EGLN3: variants seen among roughly 807,000 people sequenced by gnomAD.
EGLN3 encodes prolyl hydroxylase EGLN3.
In EGLN3, 15 loss-of-function variants were observed where a neutral mutation model predicts 26.0. The ratio of observed to expected loss-of-function variants is 0.58; its 90% CI spans 0.39 to 0.89. EGLN3 has a LOEUF of 0.89. Ranked by LOEUF, EGLN3 falls within the 40% of genes least tolerant of loss-of-function variation. The probability of loss-of-function intolerance (pLI) is 0.00; values close to 1 mark genes in which losing one functional copy is unlikely to be tolerated. For missense variants in EGLN3, 238 were observed against 311.6 expected (o/e 0.76, Z 1.78); for synonymous variants, 147 against 127.2 (o/e 1.16, Z -1.05).
At chr14:33,938,905 G>T (rs954521115) in intron 1 of EGLN3, among the ~76,000 whole-genome samples, 13 of 152,270 alleles carry the variant, frequency 8.5e-5, no homozygotes, top group African/African-American at 2.9e-4. Flanking sequence ...GTTATCACAG[G>T]TATTTCTATA....
chr14:33,927,845 A>G (rs1375722200), intron 3 of EGLN3, among the ~76,000 whole-genome samples: 3 of 152,298 alleles, frequency 2.0e-5, no homozygotes, highest in Admixed American at 1.3e-4. Flanking sequence ...TTGAGGCAAA[A>G]TTGCAATTGA....
rs1678260210 is a variant in EGLN3 at position 33,929,143 on chromosome 14, C to A, written c.547G>T (p.Asp183Tyr). Residue 183 changes from aspartate to tyrosine, a missense_variant, in exon 3 of 5, where the codon GAC becomes TAC. By Grantham distance (160) the Asp-to-Tyr change is radical (BLOSUM62 -3). Coordinates refer to ENST00000250457, the MANE Select transcript of EGLN3 (RefSeq NM_022073.4). ...TCTGACCAGAAGAACAGGAGTCTGT[C>A]AAAAATGGGCTCCACATCTGCTATG... ...SFIADVEPIF[D>Y]RLLFFWSDRR... The A allele has an allele frequency of 6.2e-7, 1 of 1,614,028 alleles. No homozygotes were observed. Among genetic ancestry groups the A allele is most frequent in the African/African-American group, 1.3e-5 (1 of 74,918 alleles).
At chr14:33,934,754 A>G (rs887138757) in intron 1 of EGLN3, among the ~76,000 whole-genome samples, 1 of 152,236 alleles carries the variant, frequency 6.6e-6, no homozygotes, top group Non-Finnish European at 1.5e-5. Flanking sequence ...TGTATTTTAC[A>G]TTGCTCATGA....
intron 3 of EGLN3, among the ~76,000 whole-genome samples, chr14:33,927,990 ACTTC>A (rs1566596442): frequency 1.3e-5 from 2 of 151,726 alleles, no homozygotes; most frequent in Non-Finnish European, 2.9e-5. Flanking sequence ...ATTGTTAGCT[ACTTC>A]CGTAGCTAAC....
At chr14:33,940,726 AG>A (rs1234566664) in intron 1 of EGLN3, among the ~76,000 whole-genome samples, 1 of 152,062 alleles carries the variant, frequency 6.6e-6, no homozygotes, top group Non-Finnish European at 1.5e-5. Flanking sequence ...TAAATGATAA[AG>A]GTAAAGAGGA....
In EGLN3 at chr14:33,925,860, A is replaced by G; in HGVS notation, c.*31T>C. 1 of 1,613,576 alleles carries G rather than the reference A, an allele frequency of 6.2e-7. No individual in the cohort carries two copies. The highest frequency in any genetic ancestry group is 8.5e-7 in the Non-Finnish European group (1 of 1,179,582). ...AGAGAATTCAGGAACCGTTACTAAA[A>G]TGAACAAGGCCAGCAGATTTCAGAG... On this transcript the variant is annotated 3_prime_UTR_variant, in exon 5 of 5. Transcript: ENST00000250457.
rs2064347754 is a variant in EGLN3 at position 33,924,614 on chromosome 14, A to T, written c.*1277T>A. On this transcript the variant is annotated 3_prime_UTR_variant, in exon 5 of 5. Transcript: ENST00000250457. Reference sequence around the variant, plus strand: ...ATGTTCATGGGATTTTCAAGCAAGAAATTAAAGGGATTTTTAAAACATGAA... The same window carrying T: ...ATGTTCATGGGATTTTCAAGCAAGATATTAAAGGGATTTTTAAAACATGAA... 6.6e-6 allele frequency: 1 copy of T among 152,134 alleles called. No individual in the cohort carries two copies. The highest frequency in any genetic ancestry group is 1.5e-5 in the Non-Finnish European group (1 of 68,028). The allele number at this position is 152,134 out of a possible 1,614,324, so 9.4% of individuals were successfully genotyped here.
At chr14:33,931,329 G>T in intron 1 of EGLN3, 114 bp from the exon 2 acceptor site, 1 of 1,483,872 alleles carries the variant, frequency 6.7e-7, no homozygotes, top group East Asian at 2.3e-5. Flanking sequence ...GACATTTACA[G>T]GTAGTTGCTG....
At chr14:33,947,728 G>T (rs2064527806) in intron 1 of EGLN3, among the ~76,000 whole-genome samples, 1 of 152,154 alleles carries the variant, frequency 6.6e-6, no homozygotes, top group South Asian at 2.1e-4. Context: ...GTTTATGTAT[G>T]TTTGAAAATT....
Position 33,929,152 on chromosome 14 carries a change from G to A in EGLN3, c.538C>T (p.Pro180Ser). The A allele has an allele frequency of 6.2e-7, 1 of 1,614,158 alleles. No individual in the cohort carries two copies. Among genetic ancestry groups the A allele is most frequent in the African/African-American group, 1.3e-5 (1 of 75,024 alleles). Residue 180 changes from proline (P) to serine (S), a missense_variant, in exon 3 of 5, where the codon CCC becomes TCC. Coordinates refer to ENST00000250457, the MANE Select transcript of EGLN3 (RefSeq NM_022073.4). ...AAGAACAGGAGTCTGTCAAAAATGGGCTCCACATCTGCTATGAATGATTTC... is the reference window on the plus strand; with the variant it reads ...AAGAACAGGAGTCTGTCAAAAATGGACTCCACATCTGCTATGAATGATTTC... ...EGKSFIADVEPIFDRLLFFWS... is the reference protein window; with the variant it reads ...EGKSFIADVESIFDRLLFFWS...
chr14:33,940,085 G>C (rs542241690), intron 1 of EGLN3, among the ~76,000 whole-genome samples: 25 of 152,058 alleles, frequency 1.6e-4, no homozygotes, highest in Admixed American at 7.2e-4. Flanking sequence ...GATCCAAAGG[G>C]GGAATTTTAA....
chr14:33,931,264 T>C (rs771776326), intron 1 of EGLN3, 49 bp from the exon 2 acceptor site: 1 of 1,612,748 alleles, frequency 6.2e-7, no homozygotes, highest in South Asian at 1.1e-5. Flanking sequence ...AGACAGACAA[T>C]CTTCTCCTCC....
chr14:33,947,255 T>G (rs1405046951), intron 1 of EGLN3, among the ~76,000 whole-genome samples: 3 of 152,088 alleles, frequency 2.0e-5, no homozygotes, highest in Non-Finnish European at 4.4e-5. Context: ...AGCGGATAAA[T>G]CCTTTGCTAG....
chr14:33,934,766 T>C (rs1233966560), intron 1 of EGLN3, among the ~76,000 whole-genome samples: 4 of 152,228 alleles, frequency 2.6e-5, no homozygotes, highest in African/African-American at 4.8e-5. Context: ...TGCTCATGAT[T>C]TGAGACAGAT....
At position 33,930,547 on chromosome 14, in the gene EGLN3, CATCT is replaced by C. The variant is rs573095729; in HGVS notation, c.477+545_477+548del. On this transcript the variant is annotated intron_variant, in intron 2 of 4. Coordinates refer to ENST00000250457, the MANE Select transcript of EGLN3 (RefSeq NM_022073.4). ...AGCATGGAACCAGGCTTCATATCTCCATCTATCTATAAGTTCTATAATACAAAAA... is the reference window on the plus strand; with the variant it reads ...AGCATGGAACCAGGCTTCATATCTCCATCTATAAGTTCTATAATACAAAAA... 4.9e-4 allele frequency among the ~76,000 whole-genome samples: 75 copies of C among 152,308 alleles called. 1 individual carries two copies. The highest frequency in any genetic ancestry group is 1.7e-3 in the African/African-American group (71 of 41,564).
rs775127575 is a variant in EGLN3 at position 33,950,268 on chromosome 14, A to C, written c.357+128T>G. The C allele has an allele frequency of 6.5e-6, 6 of 919,366 alleles. No individual in the cohort carries two copies. The East Asian group carries it at 1.5e-4, about 22-fold the overall frequency. The allele number at this position is 919,366 out of a possible 1,614,324, so 57.0% of individuals were successfully genotyped here. A position where few individuals can be genotyped will look rare whatever the true frequency, so the allele number is the denominator to read the frequency against. On this transcript the variant is annotated intron_variant, in intron 1 of 4. Transcript: ENST00000250457. ...GTGGGGGGAAGCAGCGAGTAGAGAC[A>C]AACCAGGCTGACTTCTTGGTTAAAA...
At chr14:33,931,406 T>C (rs2064402840) in intron 1 of EGLN3, 191 bp from the exon 2 acceptor site, 5 of 702,640 alleles carry the variant, frequency 7.1e-6, no homozygotes, top group Non-Finnish European at 1.2e-5. Context: ...GGTCATACTA[T>C]GGCTCTGCCC....
chr14:33,944,270 A>C (rs1210766322), intron 1 of EGLN3, among the ~76,000 whole-genome samples: 24 of 152,018 alleles, frequency 1.6e-4, no homozygotes, highest in Non-Finnish European at 8.8e-5. Context: ...TACAGGCGCA[A>C]ACCACCATGC....
intron 1 of EGLN3, chr14:33,948,886 G>C (rs2064536534): frequency 6.6e-6 from 1 of 152,066 alleles, no homozygotes; most frequent in South Asian, 2.1e-4. Flanking sequence ...CAACACTGAG[G>C]CTGACCCTTC....
Sources: allele counts gnomAD v4.1 joint callset (sites outside exome capture counted in the v4.1 genomes callset), GRCh38; gene constraint gnomAD v4.1.1; transcripts MANE v1.5; gene names NCBI Gene and HGNC (gene_info 2026-07-23, HGNC 2026-07-21).